Variants in IL19 observed in about 807,000 individuals in gnomAD.
IL19 encodes the protein interleukin 19.
A neutral mutation model predicts 19.5 loss-of-function variants in IL19; 15 were observed. The observed-to-expected ratio is 0.77, with a 90% CI of 0.52 to 1.19. IL19 has a LOEUF of 1.19. IL19 is among the 50% of genes most tolerant of loss of function. The pLI, the probability that IL19 is intolerant of heterozygous loss-of-function variation, is 0.00. For missense variants in IL19, 199 were observed against 213.1 expected, an observed-to-expected ratio of 0.93 and a Z score of 0.41; for synonymous variants, 78 against 78.3, an observed-to-expected ratio of 1.00 and a Z score of 0.02.
intron 1 of IL19, among the ~76,000 whole-genome samples, chr1:206,785,940 G>A (rs561305337): frequency 6.6e-6 from 1 of 151,116 alleles, no homozygotes; most frequent in Admixed American, 6.6e-5. Context: ...GCACCGAAGT[G>A]TATAAACATA....
intron 2 of IL19, among the ~76,000 whole-genome samples, chr1:206,803,894 C>T (rs74148801): frequency 0.057 from 8,725 of 152,184 alleles, 294 homozygotes; most frequent in African/African-American, 0.077. Context: ...GTGCAAAGCC[C>T]CCTGGGAATT....
At chr1:206,838,263 G>A (rs1166375841) in intron 4 of IL19, among the ~76,000 whole-genome samples, 1 of 152,148 alleles carries the variant, frequency 6.6e-6, no homozygotes, top group African/African-American at 2.4e-5. Context: ...CATGAGAGAT[G>A]CCTTTAAAAG....
At chr1:206,776,175 T>G (rs775878990) in intron 1 of IL19, among the ~76,000 whole-genome samples, 1 of 152,124 alleles carries the variant, frequency 6.6e-6, no homozygotes, top group Non-Finnish European at 1.5e-5. Flanking sequence ...AAGAGGGGGT[T>G]GTATTTTATT....
intron 2 of IL19, among the ~76,000 whole-genome samples, chr1:206,814,904 T>G (rs928099142): frequency 6.6e-6 from 1 of 152,194 alleles, no homozygotes; most frequent in Admixed American, 6.5e-5. Flanking sequence ...CAGAAGTTAC[T>G]TACTTGAGAC....
At position 206,772,588 on chromosome 1, in the gene IL19, A is replaced by C. The variant is rs1674887013; in HGVS notation, c.-149+1510A>C. 3 of 720,196 alleles carry C rather than the reference A, an allele frequency of 4.2e-6. No individual in the cohort carries two copies. The African/African-American group carries it at 5.3e-5, about 13-fold the overall frequency. 44.6% of individuals were successfully genotyped at this position (720,196 alleles called of 1,614,324 possible). A position where few individuals can be genotyped will look rare whatever the true frequency, so the allele number is the denominator to read the frequency against. The stretch of plus-strand genomic sequence containing the variant: ...CACAATCAAGGTTTCCCGGCACAGG[A>C]TTTTTTCTGCTTAGAGCTCCTCCTT... On this transcript the variant is annotated intron_variant, in intron 1 of 6. Transcript: ENST00000659997.
chr1:206,786,204 A>G (rs1411199349), intron 1 of IL19, among the ~76,000 whole-genome samples: 8 of 152,130 alleles, frequency 5.3e-5, no homozygotes, highest in African/African-American at 1.9e-4. Flanking sequence ...AAATGGGAAA[A>G]ATGCTTGTCA....
chr1:206,794,547 C>T (rs1421019601), intron 1 of IL19, among the ~76,000 whole-genome samples: 1 of 152,176 alleles, frequency 6.6e-6, no homozygotes, highest in Non-Finnish European at 1.5e-5. Context: ...GTTGGGTCCT[C>T]CCTACTTGTA....
At chr1:206,801,666 C>T (rs1675711599) in intron 2 of IL19, among the ~76,000 whole-genome samples, 1 of 152,232 alleles carries the variant, frequency 6.6e-6, no homozygotes, top group Admixed American at 6.5e-5. Flanking sequence ...CTGTGCTGTC[C>T]CAGCACTTTT....
chr1:206,780,790 C>T (rs552904145), intron 1 of IL19, among the ~76,000 whole-genome samples: 2 of 152,316 alleles, frequency 1.3e-5, no homozygotes, highest in Admixed American at 6.5e-5. Flanking sequence ...AGTATCAAAT[C>T]ACTCTGGGTT....
intron 1 of IL19, among the ~76,000 whole-genome samples, chr1:206,794,926 GAA>G (rs1355026844): frequency 1.8e-4 from 27 of 152,216 alleles, no homozygotes. Context: ...GAATCTCAGG[GAA>G]AAGGGTCAGT....
intron 1 of IL19, among the ~76,000 whole-genome samples, chr1:206,776,738 G>A (rs1244343499): frequency 6.6e-6 from 1 of 151,778 alleles, no homozygotes; most frequent in Non-Finnish European, 1.5e-5. Context: ...ATGCTAATTA[G>A]GCAAAAACGG....
rs140121534 is a variant in IL19, at chr1:206,823,765, AG to A, written c.-2-12894del. Among the ~76,000 whole-genome samples the A allele has an allele frequency of 9.4e-3, 1,439 of 152,304 alleles. 12 individuals are homozygous for A. The highest frequency in any genetic ancestry group is 0.013 in the Non-Finnish European group (914 of 68,012). On this transcript the variant is annotated intron_variant, in intron 2 of 6. Coordinates refer to ENST00000659997, the MANE Select transcript of IL19 (RefSeq NM_153758.5). ...TAACACTCTCCGTTGTCTGGAGGTG[AG>A]GAGCCATCACTGAAGGATAAGAATG...
rs761042152 is a variant in IL19, at chr1:206,798,885, G to C, written c.-124G>C. On this transcript the variant is annotated 5_prime_UTR_variant, in exon 2 of 7. Transcript: ENST00000659997. The stretch of plus-strand genomic sequence containing the variant: ...GAGCGGTGCTTGCACACACTGACAG[G>C]AGTCCAAGAATGTGCACTGAGGGAG... 1 of 1,595,670 alleles carries C rather than the reference G, an allele frequency of 6.3e-7. No homozygotes were observed. The highest frequency in any genetic ancestry group is 8.6e-7 in the Non-Finnish European group (1 of 1,165,290).
chr1:206,822,058 G>A (rs1035158633), intron 2 of IL19, among the ~76,000 whole-genome samples: 3 of 152,148 alleles, frequency 2.0e-5, no homozygotes, highest in Admixed American at 1.3e-4. Flanking sequence ...GGCAGTTTTA[G>A]CCTGAACTGT....
At position 206,836,879 on chromosome 1, in the gene IL19, TCCTTCTCATTG is replaced by T. The variant is rs1676814169; in HGVS notation, c.145-74_145-64del. On this transcript the variant is annotated intron_variant, in intron 3 of 6. Transcript: ENST00000659997. ...CTTACATCTTAGCTTGAAAATGAGT[TCCTTCTCATTG>T]CCTTTTGCATCTCAGAAGAACATAG... 5 of 1,594,436 alleles carry T rather than the reference TCCTTCTCATTG, an allele frequency of 3.1e-6. No individual in the cohort carries two copies. In the South Asian group the frequency reaches 4.4e-5, roughly 14 times the overall value.
At chr1:206,800,658 T>C (rs1675657905) in intron 2 of IL19, among the ~76,000 whole-genome samples, 1 of 152,204 alleles carries the variant, frequency 6.6e-6, no homozygotes, top group Non-Finnish European at 1.5e-5. Context: ...GATCAAGCCC[T>C]TCCAGATGAA....
At chr1:206,776,261 T>G (rs1182913169) in intron 1 of IL19, among the ~76,000 whole-genome samples, 1 of 152,284 alleles carries the variant, frequency 6.6e-6, no homozygotes, top group Non-Finnish European at 1.5e-5. Flanking sequence ...GCATTCTTGT[T>G]CTCCTAACCT....
chr1:206,818,137 A>G (rs1558617013), intron 2 of IL19, among the ~76,000 whole-genome samples: 1 of 152,244 alleles, frequency 6.6e-6, no homozygotes. Flanking sequence ...GCAAGGATAT[A>G]GTAGACTTAA....
intron 1 of IL19, among the ~76,000 whole-genome samples, chr1:206,776,688 T>C (rs1409290603): frequency 6.6e-6 from 1 of 151,798 alleles, no homozygotes; most frequent in Admixed American, 6.6e-5. Flanking sequence ...GCAACTTAGC[T>C]CACACCCGAC....
Sources: gnomAD v4.1 joint callset for allele counts (sites outside exome capture counted in the v4.1 genomes callset) on GRCh38, gnomAD v4.1.1 for gene constraint, MANE v1.5 for transcripts, NCBI Gene and HGNC (gene_info 2026-07-23, HGNC 2026-07-21) for gene names.